Variants in RNF19A observed in about 807,000 individuals in gnomAD.
The protein encoded by RNF19A is ring finger protein 19A, RBR E3 ubiquitin protein ligase.
A neutral mutation model predicts 75.7 loss-of-function variants in RNF19A; 32 were observed. The ratio of observed to expected loss-of-function variants is 0.42; its 90% CI spans 0.32 to 0.57. The LOEUF (loss-of-function observed/expected upper bound fraction) is 0.57. RNF19A is among the 20% of genes least tolerant of loss of function. RNF19A has a pLI of 0.10. For synonymous variants in RNF19A, 335 were observed against 345.2 expected (o/e 0.97, Z 0.33); for missense variants, 782 against 1,036.3 (o/e 0.75, Z 3.37).
chr8:100,300,807 A>C (rs1327317247), intron 1 of RNF19A, among the ~76,000 whole-genome samples: 1 of 152,248 alleles, frequency 6.6e-6, no homozygotes, highest in Non-Finnish European at 1.5e-5. Context: ...TAATTTGAAA[A>C]AGCAGCCATC....
In RNF19A at chr8:100,261,516, G is replaced by A; in HGVS notation, c.1682+26C>T. The A allele has an allele frequency of 6.3e-7, 1 of 1,597,102 alleles. No individual in the cohort carries two copies. Among genetic ancestry groups the A allele is most frequent in the Non-Finnish European group, 8.6e-7 (1 of 1,165,038 alleles). ...AATAATTTGTAGTTACCAGAAAGCA[G>A]AACCAAACCAAACCAAAACACACAC... On this transcript the variant is annotated intron_variant, in intron 8 of 9. Transcript: ENST00000341084. This position sits in a 1 kb window ranked among gnomAD's most constrained non-coding sequence, Gnocchi z 4.4.
chr8:100,309,417 C>T, intron 1 of RNF19A: 7 of 985,612 alleles, frequency 7.1e-6, no homozygotes, highest in South Asian at 4.7e-5. Flanking sequence ...CGATTTCACC[C>T]GTCAGGAATG....
At chr8:100,308,131 G>A (rs1822132481) in intron 1 of RNF19A, among the ~76,000 whole-genome samples, 1 of 151,974 alleles carries the variant, frequency 6.6e-6, no homozygotes, top group Non-Finnish European at 1.5e-5. Flanking sequence ...TAATCTTACT[G>A]GAATCTCCTG....
chr8:100,259,220 A>C lies in RNF19A; in HGVS notation c.1853T>G (p.Val618Gly). The C allele has an allele frequency of 6.2e-7, 1 of 1,612,898 alleles. No homozygotes were observed. Among genetic ancestry groups the C allele is most frequent in the Non-Finnish European group, 8.5e-7 (1 of 1,179,706 alleles). Reference sequence around the variant, plus strand: ...TTTGGATGGCTTTGACTCAATATCTACTTGCACCTCCATACTGTTGCCTTC... The same window carrying C: ...TTTGGATGGCTTTGACTCAATATCTCCTTGCACCTCCATACTGTTGCCTTC... ...DKEGNSMEVQVDIESKPSKFR... is the reference protein window; with the variant it reads ...DKEGNSMEVQGDIESKPSKFR... The change falls in exon 10 of 10, where the codon GTA becomes GGA. Residue 618 changes from valine to glycine, a missense_variant. Around this residue, in one of 7 missense-constraint regions of RNF19A, gnomAD observed 442 missense variants for 541.6 expected, o/e 0.82. Transcript: ENST00000341084. This position sits in a 1 kb window ranked among gnomAD's most constrained non-coding sequence, Gnocchi z 4.5.
intron 1 of RNF19A, among the ~76,000 whole-genome samples, chr8:100,315,649 C>CTTG (rs573063443): frequency 0.018 from 2,712 of 151,944 alleles, 37 homozygotes; most frequent in Middle Eastern, 0.027. Flanking sequence ...TCTTCGTCGT[C>CTTG]TTGTTGTTGT....
chr8:100,268,589 C>T (rs1218945717), intron 5 of RNF19A, 196 bp downstream of exon 5: 4 of 384,854 alleles, frequency 1.0e-5, no homozygotes, highest in African/African-American at 8.5e-5. Context: ...AGCAAGTCTG[C>T]TTTATACGTA....
chr8:100,335,249 T>G (rs1822664043), intron 1 of RNF19A, among the ~76,000 whole-genome samples: 1 of 152,240 alleles, frequency 6.6e-6, no homozygotes, highest in Admixed American at 6.5e-5. Flanking sequence ...TAACACTTAC[T>G]GTAAACCAGG....
At chr8:100,304,765 A>G (rs1821997251) in intron 1 of RNF19A, among the ~76,000 whole-genome samples, 1 of 152,168 alleles carries the variant, frequency 6.6e-6, no homozygotes, top group South Asian at 2.1e-4. Context: ...AGTACATTCT[A>G]TATGCACCAG....
rs1265982121 is a variant in RNF19A at position 100,284,472 on chromosome 8, T to C, written c.674+3029A>G. Among the ~76,000 whole-genome samples, 1 of 152,116 alleles carries C rather than the reference T, an allele frequency of 6.6e-6. No homozygotes were observed. Among genetic ancestry groups the C allele is most frequent in the African/African-American group, 2.4e-5 (1 of 41,424 alleles). ...GTGACTTTTTTTCCTCTGTCCTTTG[T>C]GGGTAAGACTATGACAACCAATAAC... On this transcript the variant is annotated intron_variant, in intron 2 of 9. Coordinates refer to ENST00000341084, the MANE Select transcript of RNF19A (RefSeq NM_183419.4). The surrounding 1 kb of genome is among the most constrained non-coding windows in gnomAD (Gnocchi z 4.3).
intron 5 of RNF19A, among the ~76,000 whole-genome samples, chr8:100,267,458 T>C (rs1231325865): frequency 6.6e-6 from 1 of 151,970 alleles, no homozygotes; most frequent in South Asian, 2.1e-4. Flanking sequence ...CAGCCTCCAC[T>C]TGCCCATCTC....
At chr8:100,306,865 G>GA (rs1014612514) in intron 1 of RNF19A, among the ~76,000 whole-genome samples, 29 of 151,978 alleles carry the variant, frequency 1.9e-4, no homozygotes, top group Non-Finnish European at 3.4e-4. Flanking sequence ...CCTAGTTGGA[G>GA]AAAAAAAATT....
chr8:100,299,920 A>C (rs888041734), intron 1 of RNF19A, among the ~76,000 whole-genome samples: 5 of 152,170 alleles, frequency 3.3e-5, no homozygotes, highest in Admixed American at 1.3e-4. Context: ...AAAGGACACC[A>C]TGAGTAAGGG....
Position 100,268,817 on chromosome 8 carries a change from T to A in RNF19A, c.1159A>T (p.Ile387Phe). The A allele has an allele frequency of 6.3e-7, 1 of 1,588,862 alleles. No homozygotes were observed. The highest frequency in any genetic ancestry group is 8.6e-7 in the Non-Finnish European group (1 of 1,165,490). Residue 387 changes from isoleucine (I) to phenylalanine (F), a missense_variant, in exon 5 of 10, where the codon ATT becomes TTT. Transcript: ENST00000341084. ...LIAGIAIPAM[I>F]IGIPVYVGRK... ...CCCACATACACAGGAATGCCAATAATCATTGCAGGAATAGCAATGCCAGCT... is the reference window on the plus strand; with the variant it reads ...CCCACATACACAGGAATGCCAATAAACATTGCAGGAATAGCAATGCCAGCT...
At chr8:100,270,370 C>T (rs963550452) in intron 3 of RNF19A, among the ~76,000 whole-genome samples, 7 of 152,120 alleles carry the variant, frequency 4.6e-5, no homozygotes, top group Middle Eastern at 3.4e-3. Flanking sequence ...TGGTAGTTCC[C>T]GGTTCCAGAA....
rs11988697 is a variant in RNF19A at position 100,274,356 on chromosome 8, C to A, written c.883+597G>T. 2.6e-3 allele frequency among the ~76,000 whole-genome samples: 400 copies of A among 152,220 alleles called. 1 individual carries two copies. Among genetic ancestry groups the A allele is most frequent in the African/African-American group, 9.0e-3 (375 of 41,528 alleles). ...TCTCTGAATTGCTTCTGGACCCATA[C>A]CTACAAATTAACACTAATACTACTG... On this transcript the variant is annotated intron_variant, in intron 3 of 9. Transcript: ENST00000341084.
At position 100,275,261 on chromosome 8, in the gene RNF19A, T is replaced by C. The variant is rs909895083; in HGVS notation, c.675-100A>G. On this transcript the variant is annotated intron_variant, in intron 2 of 9. Transcript: ENST00000341084. The surrounding 1 kb of genome is among the most constrained non-coding windows in gnomAD (Gnocchi z 4.3). ...AAGATTATTCCTGAAAAACATTTTC[T>C]ATTTATACATTAGCAAACAGTCATA... 30 of 963,288 alleles carry C rather than the reference T, an allele frequency of 3.1e-5. No individual in the cohort carries two copies. Among genetic ancestry groups the C allele is most frequent in the Non-Finnish European group, 4.7e-5 (30 of 637,656 alleles). 59.7% of individuals were successfully genotyped at this position (963,288 alleles called of 1,614,324 possible). A position where few individuals can be genotyped will look rare whatever the true frequency, so the allele number is the denominator to read the frequency against.
chr8:100,331,851 TACAC>T lies in RNF19A; in HGVS notation c.-243+4253_-243+4256del, dbSNP rs1822617256. Among the ~76,000 whole-genome samples the T allele has an allele frequency of 6.6e-6, 1 of 152,172 alleles. No homozygotes were observed. Among genetic ancestry groups the T allele is most frequent in the East Asian group, 1.9e-4 (1 of 5,198 alleles). On this transcript the variant is annotated intron_variant, in intron 1 of 3. Transcript: ENST00000519527. The surrounding 1 kb of genome is among the most constrained non-coding windows in gnomAD (Gnocchi z 5.2). ...CCTCCCCAGCCCTACCTACCTCTCT[TACAC>T]AGTACTAACCTTTGCACCCTGCTTT...
chr8:100,289,906 G>A (rs1029245943), intron 1 of RNF19A, among the ~76,000 whole-genome samples: 3 of 152,122 alleles, frequency 2.0e-5, no homozygotes, highest in African/African-American at 7.2e-5. Flanking sequence ...TTTATCAACT[G>A]TAGAATGAAT....
At chr8:100,311,357 C>T (rs1822288695), upstream of RNF19A, among the ~76,000 whole-genome samples, 1 of 152,148 alleles carries the variant, frequency 6.6e-6, no homozygotes, top group Non-Finnish European at 1.5e-5. Context: ...ATATGGGATG[C>T]TTTAAGCCTA....
Sources: gnomAD v4.1 joint callset for allele counts (sites outside exome capture counted in the v4.1 genomes callset) on GRCh38, gnomAD v4.1.1 for gene constraint, gnomAD v4.1.1 regional missense constraint, Gnocchi (gnomAD v3.1) non-coding constraint, MANE v1.5 for transcripts, NCBI Gene and HGNC (gene_info 2026-07-23, HGNC 2026-07-21) for gene names.